NCKAP5: variants seen among roughly 807,000 people sequenced by gnomAD.
NCKAP5 encodes the protein NCK associated protein 5, also known as nck-associated protein 5.
Under a neutral mutation model 167.0 loss-of-function variants are expected in NCKAP5, and 92 were observed. That is an observed-to-expected ratio of 0.55 (90% confidence interval 0.47 to 0.66). NCKAP5 has a LOEUF of 0.66. NCKAP5 is among the 30% of genes least tolerant of loss of function. The probability of loss-of-function intolerance (pLI) is 0.00; values close to 1 mark genes in which losing one functional copy is unlikely to be tolerated. For missense variants in NCKAP5, 2,378 were observed against 2,315.0 expected (o/e 1.03, Z -0.56); for synonymous variants, 891 against 877.4 (o/e 1.02, Z -0.27).
At chr2:132,932,435 A>G (rs578100076) in intron 8 of NCKAP5, among the ~76,000 whole-genome samples, 1 of 152,322 alleles carries the variant, frequency 6.6e-6, no homozygotes, top group East Asian at 1.9e-4. Flanking sequence ...AAAAGTACAG[A>G]GTGAAAAGCA....
the NCKAP5 span, among the ~76,000 whole-genome samples, chr2:133,627,768 T>C: frequency 6.6e-6 from 1 of 152,176 alleles, no homozygotes; most frequent in Non-Finnish European, 1.5e-5. Flanking sequence ...ATTCCAGAAA[T>C]TCAAGGAAAG....
At chr2:133,199,091 T>A (rs1408611317) in intron 5 of NCKAP5, among the ~76,000 whole-genome samples, 4 of 152,004 alleles carry the variant, frequency 2.6e-5, no homozygotes, top group Admixed American at 1.3e-4. Flanking sequence ...ACACACATCA[T>A]AGATAAAAAT....
At chr2:132,953,323 T>C (rs2076247320) in intron 8 of NCKAP5, among the ~76,000 whole-genome samples, 1 of 152,158 alleles carries the variant, frequency 6.6e-6, no homozygotes, top group Non-Finnish European at 1.5e-5. Flanking sequence ...GCATAAAGCC[T>C]CAAAGACTCA....
chr2:132,731,519 T>C (rs577078071), intron 17 of NCKAP5, among the ~76,000 whole-genome samples: 2 of 152,328 alleles, frequency 1.3e-5, no homozygotes, highest in African/African-American at 4.8e-5. Context: ...AGTATTTACA[T>C]GTCTGTTTCC....
At chr2:132,789,263 C>T (rs888546297) in intron 13 of NCKAP5, among the ~76,000 whole-genome samples, 1 of 152,184 alleles carries the variant, frequency 6.6e-6, no homozygotes, top group African/African-American at 2.4e-5. Context: ...ACCATCTGTC[C>T]AGTCTGTTCC....
rs1274551569 is a variant in NCKAP5 at position 132,672,093 on chromosome 2, TTACATA to T, written c.*1190_*1195del. On this transcript the variant is annotated 3_prime_UTR_variant, in exon 20 of 20. Coordinates refer to ENST00000409261, the MANE Select transcript of NCKAP5 (RefSeq NM_207363.3). ...ATAACCTTTAAAATAGAATTTATCC[TTACATA>T]TAAACAGTCTTTGTAGAAAAAAAAG... 1 of 152,652 alleles carries T rather than the reference TTACATA, an allele frequency of 6.6e-6. No homozygotes were observed. Among genetic ancestry groups the T allele is most frequent in the African/African-American group, 2.4e-5 (1 of 41,476 alleles). 9.5% of individuals were successfully genotyped at this position (152,652 alleles called of 1,614,324 possible). A position where few individuals can be genotyped will look rare whatever the true frequency, so the allele number is the denominator to read the frequency against.
At chr2:133,274,574 C>G (rs1156337798) in intron 4 of NCKAP5, among the ~76,000 whole-genome samples, 1 of 151,888 alleles carries the variant, frequency 6.6e-6, no homozygotes, top group African/African-American at 2.4e-5. Flanking sequence ...AAATGTGAAA[C>G]CTCTAACATT....
At chr2:132,826,934 C>T (rs193100367) in intron 11 of NCKAP5, among the ~76,000 whole-genome samples, 84 of 152,180 alleles carry the variant, frequency 5.5e-4, no homozygotes, top group South Asian at 1.9e-3. Flanking sequence ...AAAGACAAGG[C>T]GAGAGCAGAG....
intron 4 of NCKAP5, among the ~76,000 whole-genome samples, chr2:133,224,359 C>T (rs183184859): frequency 5.3e-5 from 8 of 152,316 alleles, no homozygotes; most frequent in Admixed American, 2.6e-4. Context: ...GATGGTCTCA[C>T]TGACTTGAGG....
chr2:132,899,036 T>G (rs573206200), intron 8 of NCKAP5, among the ~76,000 whole-genome samples: 10 of 152,350 alleles, frequency 6.6e-5, no homozygotes, highest in South Asian at 4.1e-4. Context: ...AAATCCTAGA[T>G]GGCCTCTTCT....
chr2:133,136,712 A>G (rs1482168069), intron 5 of NCKAP5, among the ~76,000 whole-genome samples: 5 of 152,240 alleles, frequency 3.3e-5, no homozygotes, highest in Admixed American at 3.3e-4. Context: ...AATAGAGGCC[A>G]TTAGAGAAGG....
intron 8 of NCKAP5, among the ~76,000 whole-genome samples, chr2:132,913,245 C>A (rs535384427): frequency 1.8e-4 from 27 of 152,046 alleles, no homozygotes; most frequent in Non-Finnish European, 3.4e-4. Flanking sequence ...GTTAATCATG[C>A]ACATCTAGCT....
intron 3 of NCKAP5, among the ~76,000 whole-genome samples, chr2:133,426,992 C>T (rs529279183): frequency 7.9e-5 from 12 of 152,250 alleles, no homozygotes; most frequent in Admixed American, 2.0e-4. Context: ...CCAGGAAAGG[C>T]GGTCAGCAAA....
At chr2:133,335,930 A>G (rs1428702446) in intron 3 of NCKAP5, among the ~76,000 whole-genome samples, 1 of 152,182 alleles carries the variant, frequency 6.6e-6, no homozygotes, top group African/African-American at 2.4e-5. Context: ...GACACTTTAT[A>G]TAGTATTTGT....
chr2:132,894,883 T>C (rs1277106004), intron 8 of NCKAP5, among the ~76,000 whole-genome samples: 9 of 152,070 alleles, frequency 5.9e-5, no homozygotes, highest in Non-Finnish European at 1.0e-4. Flanking sequence ...CCTCCTGCCG[T>C]TCTGCGAGGA....
chr2:133,516,204 A>G (rs1683978279), intron 3 of NCKAP5, among the ~76,000 whole-genome samples: 1 of 152,166 alleles, frequency 6.6e-6, no homozygotes, highest in Non-Finnish European at 1.5e-5. Context: ...CTGAGAAATT[A>G]TCTCTTTATC....
At chr2:132,856,033 G>A (rs746773814) in intron 11 of NCKAP5, among the ~76,000 whole-genome samples, 2 of 151,944 alleles carry the variant, frequency 1.3e-5, no homozygotes, top group Non-Finnish European at 2.9e-5. Flanking sequence ...GCATGGTGGC[G>A]GGCGCCTGTA....
chr2:133,434,017 T>C (rs555155121), intron 3 of NCKAP5: 2 of 152,258 alleles, frequency 1.3e-5, no homozygotes, highest in East Asian at 1.9e-4. Context: ...TTAAGTTTGG[T>C]ATTATTGTGT....
At chr2:132,839,621 C>T (rs377245048) in intron 11 of NCKAP5, among the ~76,000 whole-genome samples, 7 of 151,860 alleles carry the variant, frequency 4.6e-5, no homozygotes, top group Admixed American at 1.3e-4. Flanking sequence ...ATCAGCTGGG[C>T]ATGTTGGCAT....
Sources: allele counts gnomAD v4.1 joint callset (sites outside exome capture counted in the v4.1 genomes callset), GRCh38; gene constraint gnomAD v4.1.1; transcripts MANE v1.5; gene names NCBI Gene and HGNC (gene_info 2026-07-23, HGNC 2026-07-21).